CDH18: variants seen among roughly 807,000 people sequenced by gnomAD.
The protein encoded by CDH18 is cadherin-18.
Under a neutral mutation model 67.9 loss-of-function variants are expected in CDH18, and 31 were observed. The observed-to-expected ratio is 0.46, with a 90% CI of 0.34 to 0.62. The LOEUF is 0.62. Among genes scored for constraint, CDH18 ranks in the 20% least tolerant of loss-of-function variants. The pLI is 0.01. For synonymous variants in CDH18, 362 were observed against 347.2 expected (o/e 1.04, Z -0.48); for missense variants, 890 against 975.5 (o/e 0.91, Z 1.17).
intron 3 of CDH18, among the ~76,000 whole-genome samples, chr5:19,764,175 CAA>C (rs747971284): frequency 5.8e-4 from 46 of 79,502 alleles, no homozygotes; most frequent in African/African-American, 9.3e-4. Context: ...GACTCTGTCT[CAA>C]AAAAAAAAAA....
chr5:20,153,685 A>G (rs1355030237), intron 2 of CDH18, among the ~76,000 whole-genome samples: 1 of 152,206 alleles, frequency 6.6e-6, no homozygotes, highest in Non-Finnish European at 1.5e-5. Context: ...TTCCTGTCTT[A>G]CAGGTGAATG....
intron 3 of CDH18, among the ~76,000 whole-genome samples, chr5:19,764,624 CATATATATAT>C (rs72234101): frequency 6.8e-6 from 1 of 146,026 alleles, no homozygotes; most frequent in Non-Finnish European, 1.5e-5. Flanking sequence ...TCTATTTCTT[CATATATATAT>C]ATATATATAT....
intron 1 of CDH18, among the ~76,000 whole-genome samples, chr5:20,551,788 GTTTT>G (rs1237741745): frequency 6.6e-6 from 1 of 151,842 alleles, no homozygotes; most frequent in Admixed American, 6.6e-5. Flanking sequence ...TTTGGTCAGT[GTTTT>G]TTTTAAGGGC....
chr5:20,404,746 G>A (rs947770550), intron 1 of CDH18, among the ~76,000 whole-genome samples: 1 of 152,180 alleles, frequency 6.6e-6, no homozygotes, highest in African/African-American at 2.4e-5. Context: ...GTGATATGGA[G>A]ATATGAAGTG....
At chr5:19,593,962 G>A (rs1745750919) in intron 6 of CDH18, among the ~76,000 whole-genome samples, 1 of 151,742 alleles carries the variant, frequency 6.6e-6, no homozygotes, top group Non-Finnish European at 1.5e-5. Flanking sequence ...GGTCATATCA[G>A]ATTAATCATT....
intron 2 of CDH18, among the ~76,000 whole-genome samples, chr5:19,933,868 T>C (rs549518533): frequency 1.3e-5 from 2 of 151,598 alleles, no homozygotes; most frequent in South Asian, 4.1e-4. Context: ...AGATAAAATG[T>C]ACTCTTGTGG....
intron 2 of CDH18, among the ~76,000 whole-genome samples, chr5:19,844,115 G>A (rs1332490481): frequency 6.6e-6 from 1 of 152,160 alleles, no homozygotes; most frequent in Non-Finnish European, 1.5e-5. Context: ...TTAATTCTGG[G>A]AAGAATTAAG....
chr5:20,494,404 G>C (rs1215966952), intron 1 of CDH18, among the ~76,000 whole-genome samples: 1 of 152,038 alleles, frequency 6.6e-6, no homozygotes, highest in Admixed American at 6.6e-5. Context: ...GGGAGGTTGT[G>C]AGAAAGTAGA....
At chr5:20,206,610 C>A (rs933260418) in intron 2 of CDH18, among the ~76,000 whole-genome samples, 1 of 151,700 alleles carries the variant, frequency 6.6e-6, no homozygotes, top group Non-Finnish European at 1.5e-5. Flanking sequence ...TTTTACAAAC[C>A]ATTAAAATAT....
chr5:20,477,567 C>T (rs2150249425), intron 1 of CDH18, among the ~76,000 whole-genome samples: 1 of 152,252 alleles, frequency 6.6e-6, no homozygotes, highest in African/African-American at 2.4e-5. Context: ...CGGATAGAGC[C>T]CATGGAGGGA....
intron 1 of CDH18, among the ~76,000 whole-genome samples, chr5:20,309,906 A>T (rs1424412890): frequency 6.6e-6 from 1 of 152,194 alleles, no homozygotes; most frequent in Admixed American, 6.5e-5. Flanking sequence ...TTCAGAAAAA[A>T]ATAAAAATGT....
intron 2 of CDH18, among the ~76,000 whole-genome samples, chr5:19,937,546 G>T (rs75229871): frequency 0.032 from 4,845 of 151,374 alleles, 263 homozygotes; most frequent in African/African-American, 0.11. Context: ...TATAGCAAAC[G>T]AATGCACACA....
chr5:19,698,848 G>A (rs1762861201), intron 5 of CDH18, among the ~76,000 whole-genome samples: 1 of 152,058 alleles, frequency 6.6e-6, no homozygotes, highest in African/African-American at 2.4e-5. Flanking sequence ...CACCATCTCA[G>A]GTTTGATTCA....
intron 2 of CDH18, among the ~76,000 whole-genome samples, chr5:20,165,993 C>A (rs1736251299): frequency 6.6e-6 from 1 of 152,086 alleles, no homozygotes; most frequent in Non-Finnish European, 1.5e-5. Context: ...CACATCCATT[C>A]CATTTTTACA....
At chr5:20,197,416 T>C (rs1739067111) in intron 2 of CDH18, among the ~76,000 whole-genome samples, 2 of 152,232 alleles carry the variant, frequency 1.3e-5, no homozygotes, top group Admixed American at 6.5e-5. Context: ...AATAATTATC[T>C]TTCTAAATAT....
intron 3 of CDH18, among the ~76,000 whole-genome samples, chr5:19,826,076 T>C (rs1286052744): frequency 6.6e-6 from 1 of 152,080 alleles, no homozygotes; most frequent in Non-Finnish European, 1.5e-5. Flanking sequence ...TCCAAGAATC[T>C]CATAATACAA....
chr5:20,429,908 A>G (rs1748605008), intron 1 of CDH18, among the ~76,000 whole-genome samples: 1 of 152,206 alleles, frequency 6.6e-6, no homozygotes, highest in Non-Finnish European at 1.5e-5. Context: ...TTTAATAACA[A>G]TAAGTCCATT....
At chr5:20,316,091 G>A (rs1737434663) in intron 1 of CDH18, among the ~76,000 whole-genome samples, 1 of 152,092 alleles carries the variant, frequency 6.6e-6, no homozygotes, top group Non-Finnish European at 1.5e-5. Flanking sequence ...GCTTTGGCAA[G>A]ACATACAAAC....
At chr5:19,659,281 T>C (rs958918827) in intron 5 of CDH18, among the ~76,000 whole-genome samples, 22 of 152,118 alleles carry the variant, frequency 1.4e-4, no homozygotes, top group African/African-American at 5.3e-4. Flanking sequence ...TCTCAATGCT[T>C]TGTTAAATTA....
Sources: gnomAD v4.1 joint callset for allele counts (sites outside exome capture counted in the v4.1 genomes callset) on GRCh38, gnomAD v4.1.1 for gene constraint, MANE v1.5 for transcripts, NCBI Gene and HGNC (gene_info 2026-07-23, HGNC 2026-07-21) for gene names.